Variants in EXOC6 observed in about 807,000 individuals in gnomAD.
EXOC6 encodes exocyst complex component 6, also known as SEC15-like 1.
A neutral mutation model predicts 112.5 loss-of-function variants in EXOC6; 60 were observed. The observed-to-expected ratio is 0.53, with a 90% CI of 0.43 to 0.66. EXOC6 has a LOEUF of 0.66. Among genes scored for constraint, EXOC6 ranks in the 30% least tolerant of loss-of-function variants. The pLI is 0.00. For missense variants in EXOC6, 855 were observed against 957.1 expected (o/e 0.89, Z 1.41); for synonymous variants, 295 against 308.0 (o/e 0.96, Z 0.44).
Position 92,867,312 on chromosome 10 carries a change from G to T in EXOC6, c.101+18678G>T, listed in dbSNP as rs61860827. Reference sequence around the variant, plus strand: ...TCACCAAGTAAATGATCATAAAATCGAATTCTCAATCATTGCTGCCATTTA... The same window carrying T: ...TCACCAAGTAAATGATCATAAAATCTAATTCTCAATCATTGCTGCCATTTA... On this transcript the variant is annotated intron_variant, in intron 1 of 21. Coordinates refer to ENST00000260762, the MANE Select transcript of EXOC6 (RefSeq NM_019053.6). Among the ~76,000 whole-genome samples, 6 of 152,196 alleles carry T rather than the reference G, an allele frequency of 3.9e-5. No individual in the cohort carries two copies. The South Asian group carries it at 1.3e-3, about 32-fold the overall frequency.
chr10:92,948,040 G>A (rs958447286), intron 13 of EXOC6, among the ~76,000 whole-genome samples: 1 of 149,570 alleles, frequency 6.7e-6, no homozygotes, highest in African/African-American at 2.5e-5. Flanking sequence ...AGTGCTGAGA[G>A]GTTGTAAAAC....
At chr10:92,881,713 CTTAAA>C (rs1848973055) in intron 1 of EXOC6, among the ~76,000 whole-genome samples, 1 of 152,154 alleles carries the variant, frequency 6.6e-6, no homozygotes, top group South Asian at 2.1e-4. Context: ...CAAATCTCTT[CTTAAA>C]TTATAGTTCC....
At chr10:92,893,875 A>T (rs2133814483) in intron 2 of EXOC6, among the ~76,000 whole-genome samples, 1 of 152,320 alleles carries the variant, frequency 6.6e-6, no homozygotes, top group Non-Finnish European at 1.5e-5. Flanking sequence ...TTAAAAGCTT[A>T]TGATAAATAG....
At chr10:93,050,369 G>A (rs1253653314) in intron 20 of EXOC6, among the ~76,000 whole-genome samples, 1 of 152,006 alleles carries the variant, frequency 6.6e-6, no homozygotes, top group Non-Finnish European at 1.5e-5. Context: ...TGGGCAACAT[G>A]GTGAAACCCC....
intron 5 of EXOC6, among the ~76,000 whole-genome samples, chr10:92,907,458 G>A (rs11187214): frequency 0.035 from 5,368 of 152,216 alleles, 175 homozygotes; most frequent in African/African-American, 0.088. Flanking sequence ...TCATGGGAGC[G>A]CCAAGATGGG....
At chr10:92,881,802 C>G (rs996093088) in intron 1 of EXOC6, among the ~76,000 whole-genome samples, 25 of 152,172 alleles carry the variant, frequency 1.6e-4, no homozygotes, top group African/African-American at 6.0e-4. Context: ...CCATCCTGTT[C>G]TCCTGATAGT....
Position 92,934,151 on chromosome 10 carries a change from C to G in EXOC6, c.980C>G (p.Thr327Arg), listed in dbSNP as rs1390928285. ...VLQPQSNMHE[T>R]VDGYRRYFTQ... ...TTTATTTTTCATTTTAAGCATGAAA[C>G]AGTTGATGGCTATAGAAGATATTTC... The change falls in exon 10 of 22, where the codon ACA (threonine) becomes AGA (arginine). Residue 327 changes from threonine (T) to arginine (R), a missense_variant. Physicochemically the swap from Thr to Arg is moderately conservative, Grantham distance 71 (BLOSUM62 -1). Around this residue, in one of 2 missense-constraint regions of EXOC6, gnomAD observed 450 missense variants for 563.5 expected, o/e 0.80. Transcript: ENST00000260762. The G allele has an allele frequency of 2.0e-6, 3 of 1,530,876 alleles. No homozygotes were observed. In the Admixed American group the frequency reaches 5.3e-5, roughly 27 times the overall value. The allele number at this position is 1,530,876 out of a possible 1,614,324, so 94.8% of individuals were successfully genotyped here.
chr10:92,949,633 C>T (rs1228740638), intron 14 of EXOC6, among the ~76,000 whole-genome samples: 1 of 146,698 alleles, frequency 6.8e-6, no homozygotes, highest in Non-Finnish European at 1.5e-5. Flanking sequence ...GCTCTTGTTG[C>T]CCAGGCTGGA....
At chr10:92,871,093 T>G (rs1451006726) in intron 1 of EXOC6, among the ~76,000 whole-genome samples, 1 of 152,202 alleles carries the variant, frequency 6.6e-6, no homozygotes, top group Admixed American at 6.5e-5. Context: ...GTCTTTTAAC[T>G]CTTTTCTCTG....
At chr10:92,965,760 A>G (rs1842019106) in intron 17 of EXOC6, among the ~76,000 whole-genome samples, 1 of 152,182 alleles carries the variant, frequency 6.6e-6, no homozygotes, top group Non-Finnish European at 1.5e-5. Context: ...CATTTCTTTA[A>G]AAAGAAAATA....
chr10:92,894,629 GCCC>G, intron 2 of EXOC6, among the ~76,000 whole-genome samples, 162 bp from the exon 3 acceptor site: 1 of 152,132 alleles, frequency 6.6e-6, no homozygotes, highest in Non-Finnish European at 1.5e-5. Context: ...GTTAACAAAA[GCCC>G]TTTTCAATCA....
chr10:92,960,694 A>AC (rs1452404420), intron 17 of EXOC6, among the ~76,000 whole-genome samples: 1 of 151,484 alleles, frequency 6.6e-6, no homozygotes, highest in East Asian at 1.9e-4. Flanking sequence ...CTTTGTCACT[A>AC]TCTTTTTTCC....
At chr10:92,961,536 C>T (rs913123168) in intron 17 of EXOC6, among the ~76,000 whole-genome samples, 10 of 151,918 alleles carry the variant, frequency 6.6e-5, no homozygotes, top group African/African-American at 1.9e-4. Flanking sequence ...ATTGTAGGTC[C>T]CTTCGTAAAT....
intron 6 of EXOC6, among the ~76,000 whole-genome samples, chr10:92,913,668 A>T (rs2133885665): frequency 6.6e-6 from 1 of 152,346 alleles, no homozygotes; most frequent in East Asian, 1.9e-4. Flanking sequence ...ACTGCCAGTG[A>T]GAGATGGTCA....
chr10:92,868,789 C>T (rs931648028), intron 1 of EXOC6, among the ~76,000 whole-genome samples: 9 of 150,468 alleles, frequency 6.0e-5, no homozygotes, highest in African/African-American at 2.2e-4. Flanking sequence ...TCCTTCCTCC[C>T]TCCCTTCTTT....
intron 5 of EXOC6, among the ~76,000 whole-genome samples, chr10:92,904,378 C>T (rs1445252791): frequency 6.6e-6 from 1 of 152,068 alleles, no homozygotes; most frequent in African/African-American, 2.4e-5. Context: ...ATCTGCCAAA[C>T]TGTCTTCAGA....
At chr10:92,926,884 C>T (rs1851755854) in intron 8 of EXOC6, among the ~76,000 whole-genome samples, 1 of 152,024 alleles carries the variant, frequency 6.6e-6, no homozygotes, top group Non-Finnish European at 1.5e-5. Context: ...GAGGATTTAG[C>T]AGTTTTATTT....
In EXOC6 at chr10:92,855,224, T is replaced by A. The variant is rs532324056; in HGVS notation, c.101+6590T>A. The stretch of plus-strand genomic sequence containing the variant: ...TGAGCCACTGTGCCTGGCATGAAAA[T>A]TTTTTTTTTTAATTTATGTTTGAGA... On this transcript the variant is annotated intron_variant, in intron 1 of 21. Transcript: ENST00000260762. Among the ~76,000 whole-genome samples the A allele has an allele frequency of 3.3e-3, 486 of 149,404 alleles. 3 individuals are homozygous for A. Among genetic ancestry groups the A allele is most frequent in the Non-Finnish European group, 4.5e-3 (302 of 67,072 alleles).
intron 1 of EXOC6, among the ~76,000 whole-genome samples, chr10:92,860,144 T>A (rs1847835758): frequency 6.6e-6 from 1 of 152,204 alleles, no homozygotes; most frequent in Non-Finnish European, 1.5e-5. Flanking sequence ...ATTTTATTTT[T>A]AAATTGTGAT....
Sources: allele counts gnomAD v4.1 joint callset (sites outside exome capture counted in the v4.1 genomes callset), GRCh38; gene constraint gnomAD v4.1.1; regional missense constraint gnomAD v4.1.1; transcripts MANE v1.5; gene names NCBI Gene and HGNC (gene_info 2026-07-23, HGNC 2026-07-21).